Variants in MCTS1 observed in about 807,000 individuals in gnomAD.
MCTS1 encodes the protein malignant T-cell-amplified sequence 1.
For synonymous variants in MCTS1, 26 were observed against 40.8 expected (o/e 0.64, Z 1.38); for missense variants, 55 against 128.6 (o/e 0.43, Z 2.77).
chrX:120,617,825 A>G lies in MCTS1; in HGVS notation c.*5561A>G, dbSNP rs765479635. ...TTCTTATTTTCACAAGCGTGTGAGT[A>G]AAAGACTGGGTTTTAAGCAATAAAT... On this transcript the variant is annotated 3_prime_UTR_variant, in exon 6 of 6. Coordinates refer to ENST00000371317, the MANE Select transcript of MCTS1 (RefSeq NM_014060.3). Among the ~76,000 whole-genome samples, 1 of 112,856 alleles carries G rather than the reference A, an allele frequency of 8.9e-6. No homozygotes were observed. Among genetic ancestry groups the G allele is most frequent in the East Asian group, 2.8e-4 (1 of 3,600 alleles).
Position 120,608,266 on chromosome X carries a change from A to G in MCTS1, c.304A>G (p.Ile102Val), listed in dbSNP as rs768630921. ...ACACCAGCAGGTTGATAAAGGAGCC[A>G]TCAAATTTGTACTCAGTGGAGCAAA... ...LPHQQVDKGA[I>V]KFVLSGANIM... The change falls in exon 4 of 6, where the codon ATC becomes GTC. Residue 102 changes from isoleucine to valine, a missense_variant. Ile to Val is a conservative substitution (Grantham distance 29). Transcript: ENST00000371317. The G allele has an allele frequency of 8.3e-7, 1 of 1,205,773 alleles. No individual in the cohort carries two copies. Among genetic ancestry groups the G allele is most frequent in the Admixed American group, 2.2e-5 (1 of 45,794 alleles).
At chrX:120,610,443 T>C (rs753726345) in intron 4 of MCTS1, among the ~76,000 whole-genome samples, 1 of 110,341 alleles carries the variant, frequency 9.1e-6, no homozygotes, top group African/African-American at 3.3e-5. Flanking sequence ...TGAAATCCCA[T>C]CTCTACTAAA....
At position 120,611,074 on chromosome X, in the gene MCTS1, G is replaced by C. The variant is rs750777684; in HGVS notation, c.460G>C (p.Asp154His). The change falls in exon 5 of 6, where the codon GAC (aspartate) becomes CAC (histidine). Residue 154 changes from aspartate (D) to histidine (H), a missense_variant. Transcript: ENST00000371317. The stretch of plus-strand genomic sequence containing the variant: ...TGGAGTCATGAAGATGTCTGCAGAA[G>C]ACATGTAAGTCTTACTTTAGGCCCC... ...CVGVMKMSAE[D>H]IEKVNKGIGI... The C allele has an allele frequency of 7.4e-6, 9 of 1,210,153 alleles. No individual in the cohort carries two copies. Among genetic ancestry groups the C allele is most frequent in the Non-Finnish European group, 1.0e-5 (9 of 894,099 alleles).
chrX:120,608,457 T>G, intron 4 of MCTS1, 99 bp downstream of exon 4: 1 of 929,565 alleles, frequency 1.1e-6, no homozygotes, highest in Non-Finnish European at 1.4e-6. Flanking sequence ...GATGTACTTT[T>G]TTGAAGGTTA....
At position 120,619,686 on chromosome X, in the gene MCTS1, ACT is replaced by A. The variant is rs964947873; in HGVS notation, c.*7425_*7426del. Among the ~76,000 whole-genome samples, 5 of 110,771 alleles carry A rather than the reference ACT, an allele frequency of 4.5e-5. No homozygotes were observed. The highest frequency in any genetic ancestry group is 9.4e-5 in the Non-Finnish European group (5 of 52,935). On this transcript the variant is annotated 3_prime_UTR_variant, in exon 6 of 6. Transcript: ENST00000371317. ...TTGGAGAGAGGTATAAGTTGGCAAG[ACT>A]CTGTTCCACGATGGGAAAAAATGGG...
chrX:120,608,464 G>T, intron 4 of MCTS1, 106 bp downstream of exon 4: 2 of 855,034 alleles, frequency 2.3e-6, no homozygotes, highest in Non-Finnish European at 3.1e-6. Context: ...TTTTTTGAAG[G>T]TTACTGTTAC....
At chrX:120,605,198 G>C (rs1926500423) in intron 1 of MCTS1, among the ~76,000 whole-genome samples, 1 of 111,675 alleles carries the variant, frequency 9.0e-6, no homozygotes, top group African/African-American at 3.3e-5. Flanking sequence ...ATACTTGACA[G>C]TTTATTTCAA....
At chrX:120,604,791 C>G in intron 1 of MCTS1, 2 of 1,130,033 alleles carry the variant, frequency 1.8e-6, no homozygotes, top group Non-Finnish European at 2.3e-6. Flanking sequence ...ACAAAAATTC[C>G]TTGGGAACCT....
At chrX:120,605,280 T>C in intron 1 of MCTS1, 127 bp from the exon 2 acceptor site, 1 of 614,175 alleles carries the variant, frequency 1.6e-6, no homozygotes, top group Non-Finnish European at 2.4e-6. Context: ...AAAAGAACAA[T>C]TTATTTCATA....
At chrX:120,607,310 G>A (rs1174166023) in intron 3 of MCTS1, among the ~76,000 whole-genome samples, 3 of 111,305 alleles carry the variant, frequency 2.7e-5, no homozygotes, top group East Asian at 5.6e-4. Context: ...CACCTCAAAC[G>A]TTTATCTTTG....
intron 3 of MCTS1, among the ~76,000 whole-genome samples, chrX:120,607,854 T>A (rs1193440822): frequency 9.0e-6 from 1 of 110,934 alleles, no homozygotes; most frequent in Non-Finnish European, 1.9e-5. Context: ...TTACTCTGCG[T>A]TTTTCACTTA....
In MCTS1 at chrX:120,605,579, T is replaced by C; in HGVS notation, c.164+20T>C. Reference sequence around the variant, plus strand: ...CCGATGGTAAGTCTTTGTTTTTGTCTGTGTAAAGCTCGGTATAGCTGAATA... The same window carrying C: ...CCGATGGTAAGTCTTTGTTTTTGTCCGTGTAAAGCTCGGTATAGCTGAATA... On this transcript the variant is annotated intron_variant, in intron 2 of 5. Transcript: ENST00000371317. The C allele has an allele frequency of 1.7e-6, 2 of 1,183,428 alleles. No individual in the cohort carries two copies. The highest frequency in any genetic ancestry group is 2.3e-6 in the Non-Finnish European group (2 of 883,026).
At chrX:120,608,450 G>A in intron 4 of MCTS1, 92 bp downstream of exon 4, 2 of 951,219 alleles carry the variant, frequency 2.1e-6, no homozygotes, top group African/African-American at 1.9e-5. Context: ...AACATTAGAT[G>A]TACTTTTTTG....
rs758845660 is a variant in MCTS1 at position 120,604,697 on chromosome X, G to A, written c.11+450G>A. The A allele has an allele frequency of 1.9e-5, 20 of 1,032,862 alleles. No homozygotes were observed. The South Asian group carries it at 5.7e-4, about 29-fold the overall frequency. 85.1% of individuals were successfully genotyped at this position (1,032,862 alleles called of 1,213,427 possible). A position where few individuals can be genotyped will look rare whatever the true frequency, so the allele number is the denominator to read the frequency against. The stretch of plus-strand genomic sequence containing the variant: ...GAGTCTGGGTGACAGGAAGCAAGCG[G>A]CCTGTCATGCCTATTGCCTAGCTGC... On this transcript the variant is annotated intron_variant, in intron 1 of 5. Transcript: ENST00000371317.
chrX:120,620,171 A>G lies in MCTS1; in HGVS notation c.*7907A>G, dbSNP rs995533769. Reference sequence around the variant, plus strand: ...AAAATACAAAAAATTAACCGGACGCAGTGGTGGGCGCCTGTAGTCCCAGCT... The same window carrying G: ...AAAATACAAAAAATTAACCGGACGCGGTGGTGGGCGCCTGTAGTCCCAGCT... On this transcript the variant is annotated 3_prime_UTR_variant, in exon 6 of 6. Coordinates refer to ENST00000371317, the MANE Select transcript of MCTS1 (RefSeq NM_014060.3). 4.5e-5 allele frequency among the ~76,000 whole-genome samples: 5 copies of G among 110,029 alleles called. No individual in the cohort carries two copies. In the Admixed American group the frequency reaches 4.9e-4, roughly 11 times the overall value.
At position 120,612,762 on chromosome X, in the gene MCTS1, A is replaced by G. The variant is rs1430311683; in HGVS notation, c.*498A>G. ...AACTTCAATGGAAAATTCTAAACAT[A>G]TTAAGAAGTCTGGAGAATAGTATAA... On this transcript the variant is annotated 3_prime_UTR_variant, in exon 6 of 6. Transcript: ENST00000371317. Among the ~76,000 whole-genome samples, 1 of 108,375 alleles carries G rather than the reference A, an allele frequency of 9.2e-6. No homozygotes were observed. Among genetic ancestry groups the G allele is most frequent in the Admixed American group, 1.0e-4 (1 of 9,945 alleles). 94.1% of individuals were successfully genotyped at this position (108,375 alleles called of 115,157 possible).
At chrX:120,611,162 A>G (rs1221720833) in intron 5 of MCTS1, 84 bp downstream of exon 5, 12 of 821,676 alleles carry the variant, frequency 1.5e-5, no homozygotes, top group Admixed American at 2.3e-5. Context: ...GAAATTTGCT[A>G]TCATGCATAC....
At chrX:120,604,458 A>C in intron 1 of MCTS1, 1 of 515,718 alleles carries the variant, frequency 1.9e-6, no homozygotes, top group Non-Finnish European at 2.9e-6. Flanking sequence ...CAGTCCCTCC[A>C]CTCCCATTGT....
rs1221017504 is a variant in MCTS1, at chrX:120,619,119, A to G, written c.*6855A>G. Among the ~76,000 whole-genome samples, 6 of 112,328 alleles carry G rather than the reference A, an allele frequency of 5.3e-5. No individual in the cohort carries two copies. The highest frequency in any genetic ancestry group is 1.9e-4 in the African/African-American group (6 of 30,960). ...TAAAAGTAACTTATGAATTTCTTAA[A>G]AATAGTTTTTAAAAAGCTGTTTCAG... On this transcript the variant is annotated 3_prime_UTR_variant, in exon 6 of 6. Coordinates refer to ENST00000371317, the MANE Select transcript of MCTS1 (RefSeq NM_014060.3).
Sources: gnomAD v4.1 joint callset for allele counts (sites outside exome capture counted in the v4.1 genomes callset) on GRCh38, gnomAD v4.1.1 for gene constraint, MANE v1.5 for transcripts, NCBI Gene and HGNC (gene_info 2026-07-23, HGNC 2026-07-21) for gene names.